CNTN3: variants seen among roughly 807,000 people sequenced by gnomAD.
The protein encoded by CNTN3 is contactin-3.
Under a neutral mutation model 119.1 loss-of-function variants are expected in CNTN3, and 60 were observed. That is an observed-to-expected ratio of 0.50 (90% CI 0.41 to 0.62). The LOEUF (loss-of-function observed/expected upper bound fraction) is 0.62. CNTN3 is among the 20% of genes least tolerant of loss of function. The pLI is 0.00. For synonymous variants in CNTN3, 450 were observed against 438.7 expected, an observed-to-expected ratio of 1.03 and a Z score of -0.32; for missense variants, 1,101 against 1,242.4, an observed-to-expected ratio of 0.89 and a Z score of 1.71.
chr3:74,444,214 C>A (rs1436076676), intron 4 of CNTN3, among the ~76,000 whole-genome samples: 2 of 151,960 alleles, frequency 1.3e-5, no homozygotes, highest in African/African-American at 2.4e-5. Context: ...CTTATATCTG[C>A]AACAACCCTA....
chr3:74,290,093 T>C (rs1702193336), intron 19 of CNTN3, among the ~76,000 whole-genome samples: 1 of 152,246 alleles, frequency 6.6e-6, no homozygotes, highest in Non-Finnish European at 1.5e-5. Flanking sequence ...CCTAAATTTA[T>C]ATACAGTTAT....
chr3:74,325,893 C>A (rs2106686092), intron 13 of CNTN3, among the ~76,000 whole-genome samples: 1 of 152,224 alleles, frequency 6.6e-6, no homozygotes, highest in African/African-American at 2.4e-5. Flanking sequence ...CTAATACCCC[C>A]AGAATATTCT....
At chr3:74,365,751 A>G in intron 8 of CNTN3, 49 bp from the exon 9 acceptor site, 6 of 1,573,198 alleles carry the variant, frequency 3.8e-6, no homozygotes, top group Non-Finnish European at 5.2e-6. Flanking sequence ...CCACCCAGCA[A>G]ATAAAATGTA....
chr3:74,286,549 A>C (rs1702118973), intron 19 of CNTN3, among the ~76,000 whole-genome samples: 1 of 152,188 alleles, frequency 6.6e-6, no homozygotes, highest in African/African-American at 2.4e-5. Context: ...GTATAGAGAA[A>C]TAAACATTAC....
intron 1 of CNTN3, among the ~76,000 whole-genome samples, chr3:74,589,029 T>G (rs1704650065): frequency 6.6e-6 from 1 of 151,468 alleles, no homozygotes. Context: ...GCATTACCAT[T>G]CAGGACATAG....
chr3:74,408,450 T>G (rs1440995033), intron 5 of CNTN3, among the ~76,000 whole-genome samples: 1 of 152,148 alleles, frequency 6.6e-6, no homozygotes, highest in Non-Finnish European at 1.5e-5. Flanking sequence ...GCATGCTCAC[T>G]CAGGAGGCAG....
At chr3:74,598,736 T>A (rs1363397442) in intron 1 of CNTN3, among the ~76,000 whole-genome samples, 2 of 152,070 alleles carry the variant, frequency 1.3e-5, no homozygotes, top group Non-Finnish European at 2.9e-5. Context: ...TAACATTAAT[T>A]CTAGTAATAT....
intron 1 of CNTN3, among the ~76,000 whole-genome samples, chr3:74,606,693 T>G (rs1223190593): frequency 6.6e-6 from 1 of 152,116 alleles, no homozygotes; most frequent in East Asian, 1.9e-4. Context: ...ACTATCAGAT[T>G]AAAAAGGATA....
rs566715488 is a variant in CNTN3 at position 74,289,846 on chromosome 3, T to A, written c.2518-4355A>T. Among the ~76,000 whole-genome samples, 7 of 152,308 alleles carry A rather than the reference T, an allele frequency of 4.6e-5. No homozygotes were observed. The South Asian group carries it at 6.2e-4, about 14-fold the overall frequency. On this transcript the variant is annotated intron_variant, in intron 19 of 22. Transcript: ENST00000263665. Reference sequence around the variant, plus strand: ...TACTACTCCAGGCACTTGGGATAGATCAATGAGGAAAAAGGCTGAGTTACC... The same window carrying A: ...TACTACTCCAGGCACTTGGGATAGAACAATGAGGAAAAAGGCTGAGTTACC...
intron 13 of CNTN3, among the ~76,000 whole-genome samples, chr3:74,325,993 T>C (rs937338443): frequency 4.6e-5 from 7 of 152,148 alleles, no homozygotes; most frequent in African/African-American, 1.7e-4. Flanking sequence ...CTAAGCACTC[T>C]CAGAATTGTT....
intron 1 of CNTN3, among the ~76,000 whole-genome samples, chr3:74,543,314 A>C (rs1703868098): frequency 6.6e-6 from 1 of 152,096 alleles, no homozygotes; most frequent in Admixed American, 6.6e-5. Flanking sequence ...TGGGAATGTT[A>C]ATTTCTGATG....
chr3:74,285,636 C>G, intron 19 of CNTN3, 145 bp from the exon 20 acceptor site: 1 of 701,734 alleles, frequency 1.4e-6, no homozygotes, highest in South Asian at 2.0e-5. Context: ...CTAGGTGCTG[C>G]ATTAGGCTGT....
chr3:74,418,342 C>CTTTTTTTTTTTTT (rs56258495), intron 5 of CNTN3, among the ~76,000 whole-genome samples: 23 of 99,650 alleles, frequency 2.3e-4, no homozygotes, highest in Non-Finnish European at 2.6e-4. Flanking sequence ...AAACATATTC[C>CTTTTTTTTTTTTT]TTTTTTTTTT....
chr3:74,484,673 T>C (rs1702820375), intron 4 of CNTN3, among the ~76,000 whole-genome samples: 1 of 152,080 alleles, frequency 6.6e-6, no homozygotes, highest in African/African-American at 2.4e-5. Flanking sequence ...AATCCTCCAA[T>C]ATACAACCAA....
At chr3:74,450,039 C>T (rs1702119603) in intron 4 of CNTN3, among the ~76,000 whole-genome samples, 1 of 152,040 alleles carries the variant, frequency 6.6e-6, no homozygotes, top group Admixed American at 6.6e-5. Context: ...TGAGCCTATC[C>T]TCCCAATAGC....
At chr3:74,344,396 GGTTTTTTTTTTTTTTTTTTTTTTTTTTTT>G (rs1703630108) in intron 11 of CNTN3, among the ~76,000 whole-genome samples, 1 of 87,812 alleles carries the variant, frequency 1.1e-5, no homozygotes, top group African/African-American at 4.1e-5. Context: ...CTTACACAGT[GGTTTTTTTTTTTTTTTTTTTTTTTTTTTT>G]TTTTTTTTTT....
At chr3:74,512,520 C>T (rs186933877) in intron 2 of CNTN3, among the ~76,000 whole-genome samples, 260 of 151,810 alleles carry the variant, frequency 1.7e-3, no homozygotes, top group Admixed American at 4.5e-3. Context: ...TAATTACTCA[C>T]CAAAGCAATA....
chr3:74,475,071 T>C (rs1390419306), intron 4 of CNTN3, among the ~76,000 whole-genome samples: 1 of 152,142 alleles, frequency 6.6e-6, no homozygotes, highest in East Asian at 1.9e-4. Flanking sequence ...AATTACCCAG[T>C]CTCAGGTATT....
intron 4 of CNTN3, among the ~76,000 whole-genome samples, chr3:74,471,471 T>C (rs1467733374): frequency 1.3e-5 from 2 of 152,192 alleles, no homozygotes; most frequent in Non-Finnish European, 1.5e-5. Context: ...AAAGTAACCA[T>C]TTCCTAGTTT....
Sources: gnomAD v4.1 joint callset for allele counts (sites outside exome capture counted in the v4.1 genomes callset) on GRCh38, gnomAD v4.1.1 for gene constraint, MANE v1.5 for transcripts, NCBI Gene and HGNC (gene_info 2026-07-23, HGNC 2026-07-21) for gene names.